Variants in RAD52 observed in about 807,000 individuals in gnomAD.
RAD52 encodes the protein DNA repair protein RAD52 homolog.
Under a neutral mutation model 55.5 loss-of-function variants are expected in RAD52, and 47 were observed. That is an observed-to-expected ratio of 0.85 (90% CI 0.67 to 1.08). The LOEUF is 1.08. Ranked by LOEUF, RAD52 falls within the 50% of genes least tolerant of loss-of-function variation. RAD52 has a pLI of 0.00. For missense variants in RAD52, 468 were observed against 522.8 expected (o/e 0.90, Z 1.02); for synonymous variants, 184 against 198.9 (o/e 0.92, Z 0.63).
intron 1 of RAD52, among the ~76,000 whole-genome samples, chr12:980,847 C>A (rs1253368955): frequency 1.3e-5 from 2 of 152,070 alleles, no homozygotes; most frequent in African/African-American, 4.8e-5. Context: ...CTGGGTATGA[C>A]CTCACTGGGG....
At chr12:937,485 G>C (rs1957700130) in intron 1 of RAD52, among the ~76,000 whole-genome samples, 1 of 151,836 alleles carries the variant, frequency 6.6e-6, no homozygotes, top group Admixed American at 6.6e-5. Context: ...GTGCAGAGTG[G>C]TGTGATCTCA....
chr12:971,119 C>A (rs1264553424), intron 1 of RAD52, among the ~76,000 whole-genome samples: 1 of 152,104 alleles, frequency 6.6e-6, no homozygotes, highest in Admixed American at 6.6e-5. Context: ...GAGCAGCAAG[C>A]TCCTTTGGTT....
upstream of RAD52, among the ~76,000 whole-genome samples, chr12:954,358 G>A (rs943909734): frequency 1.5e-4 from 23 of 152,184 alleles, no homozygotes; most frequent in African/African-American, 3.4e-4. Flanking sequence ...CAGGCTGGGC[G>A]CGGTGGCTCA....
At chr12:990,668 G>A (rs1212803869), upstream of RAD52, 1 of 152,246 alleles carries the variant, frequency 6.6e-6, no homozygotes, top group Non-Finnish European at 1.5e-5. Context: ...GTTCCACGAA[G>A]CTAAGGGGCA....
intron 7 of RAD52, among the ~76,000 whole-genome samples, chr12:919,222 G>C (rs1033402452): frequency 5.9e-5 from 9 of 151,980 alleles, no homozygotes; most frequent in African/African-American, 2.2e-4. Flanking sequence ...GAGGCAGGTG[G>C]ATCACTTGAG....
intron 1 of RAD52, among the ~76,000 whole-genome samples, chr12:937,427 CT>C (rs1020961496): frequency 8.2e-4 from 120 of 147,100 alleles, no homozygotes; most frequent in South Asian, 3.4e-3. Flanking sequence ...ATCCCTTCAG[CT>C]TTTTTTTTTT....
At chr12:922,426 C>T (rs1956792458) in intron 7 of RAD52, among the ~76,000 whole-genome samples, 1 of 152,094 alleles carries the variant, frequency 6.6e-6, no homozygotes, top group South Asian at 2.1e-4. Flanking sequence ...GTTACACACC[C>T]TCGTTCATAG....
At chr12:969,444 TTATATA>T (rs1220982342) in intron 1 of RAD52, among the ~76,000 whole-genome samples, 1 of 151,974 alleles carries the variant, frequency 6.6e-6, no homozygotes, top group Non-Finnish European at 1.5e-5. Context: ...ACTTATTTTA[TTATATA>T]TATAATCACA....
rs1383084501 is a variant in RAD52 at position 913,419 on chromosome 12, A to G, written c.1229T>C (p.Met410Thr). 2.5e-6 allele frequency: 4 copies of G among 1,608,528 alleles called. No individual in the cohort carries two copies. In the South Asian group the frequency reaches 4.4e-5, roughly 18 times the overall value. Residue 410 changes from methionine (M) to threonine (T), a missense_variant, in exon 12 of 12, where the codon ATG (methionine) becomes ACG (threonine). Coordinates refer to ENST00000358495, the MANE Select transcript of RAD52 (RefSeq NM_134424.4). ...NWESHRKSQDMKKRKYDPS is the reference protein window; with the variant it reads ...NWESHRKSQDTKKRKYDPS ...AGATGGATCATATTTCCTTTTCTTC[A>G]TGTCCTGGCTCTTCCTATGAGATTC... is the stretch of plus-strand genomic sequence containing the variant.
At chr12:965,177 T>A (rs1469621345) in intron 1 of RAD52, among the ~76,000 whole-genome samples, 1 of 151,826 alleles carries the variant, frequency 6.6e-6, no homozygotes, top group Admixed American at 6.6e-5. Context: ...ATGGGGTTTC[T>A]CCATGTTGGC....
In RAD52 at chr12:916,623, G is replaced by A; in HGVS notation, c.725+16C>T. 1 of 1,609,898 alleles carries A rather than the reference G, an allele frequency of 6.2e-7. No individual in the cohort carries two copies. Among genetic ancestry groups the A allele is most frequent in the South Asian group, 1.1e-5 (1 of 90,790 alleles). ...GGAGGGGCCGCAGAGGAAAGGAGGG[G>A]ACTTAGGCCGCATACCGGGAGCTGC... On this transcript the variant is annotated intron_variant, in intron 8 of 11. Coordinates refer to ENST00000358495, the MANE Select transcript of RAD52 (RefSeq NM_134424.4).
At chr12:969,298 T>G (rs1958809825) in intron 1 of RAD52, among the ~76,000 whole-genome samples, 1 of 152,014 alleles carries the variant, frequency 6.6e-6, no homozygotes, top group Non-Finnish European at 1.5e-5. Context: ...AGTCAAAGAA[T>G]TATTTAACAT....
chr12:988,676 C>G (rs1037989571), intron 1 of RAD52, among the ~76,000 whole-genome samples: 3 of 152,156 alleles, frequency 2.0e-5, no homozygotes, highest in African/African-American at 7.2e-5. Flanking sequence ...TGTCTGTGCA[C>G]ATGCAAAGAG....
At chr12:945,282 C>T (rs532441580) in intron 1 of RAD52, among the ~76,000 whole-genome samples, 2 of 150,838 alleles carry the variant, frequency 1.3e-5, no homozygotes, top group African/African-American at 4.9e-5. Flanking sequence ...ATCCAGGAGG[C>T]GAAGGTTGCA....
intron 1 of RAD52, among the ~76,000 whole-genome samples, chr12:938,889 G>A (rs1957768814): frequency 6.6e-6 from 1 of 152,078 alleles, no homozygotes; most frequent in Admixed American, 6.6e-5. Flanking sequence ...AGCCTCCCGA[G>A]TAGCTTAGAC....
At position 913,880 on chromosome 12, in the gene RAD52, C is replaced by T. The variant is rs1370053718; in HGVS notation, c.1195+14G>A. 6.2e-7 allele frequency: 1 copy of T among 1,609,058 alleles called. No homozygotes were observed. The highest frequency in any genetic ancestry group is 2.2e-5 in the East Asian group (1 of 44,858). ...TCTCCCCTTAATTTTTGTGCCTAAA[C>T]ACCTCTCTGCTACCTGTTGTGCGTT... On this transcript the variant is annotated intron_variant, in intron 11 of 11. Transcript: ENST00000358495.
intron 6 of RAD52, 24 bp from the exon 7 acceptor site, chr12:925,549 G>A (rs753952482): frequency 1.3e-6 from 2 of 1,559,622 alleles, no homozygotes; most frequent in Non-Finnish European, 1.8e-6. Context: ...AAAAAAAGGT[G>A]AAACAGGGTT....
chr12:915,599 A>G (rs1316631754), intron 9 of RAD52, among the ~76,000 whole-genome samples: 1 of 152,222 alleles, frequency 6.6e-6, no homozygotes, highest in East Asian at 1.9e-4. Context: ...TTCCCACTCA[A>G]TCTGGACTCT....
At position 925,477 on chromosome 12, in the gene RAD52, CAGGT is replaced by C. The variant is rs1353195029; in HGVS notation, c.512_515del (p.Tyr171Ter). 1.9e-6 allele frequency: 3 copies of C among 1,614,054 alleles called. No homozygotes were observed. In the Admixed American group the frequency reaches 5.0e-5, roughly 27 times the overall value. On this transcript the variant is annotated frameshift_variant, in exon 7 of 12. Transcript: ENST00000358495. LOFTEE classifies it high-confidence loss of function. ...GGCGTGGAAGCTTATTTAGTGATCT[CAGGT>C]AGTCTTTGTCCAGAATACAGTTTCC...
Sources: allele counts gnomAD v4.1 joint callset (sites outside exome capture counted in the v4.1 genomes callset), GRCh38; gene constraint gnomAD v4.1.1; transcripts MANE v1.5; gene names NCBI Gene and HGNC (gene_info 2026-07-23, HGNC 2026-07-21).